The following SUGCT variants were observed in gnomAD, a reference collection of about 807,000 sequenced individuals.
SUGCT encodes the protein succinyl-CoA:glutarate-CoA transferase, also known as succinyl-CoA:glutarate CoA-transferase.
A neutral mutation model predicts 55.0 loss-of-function variants in SUGCT; 41 were observed. That is an observed-to-expected ratio of 0.74 (90% CI 0.58 to 0.97). The LOEUF (loss-of-function observed/expected upper bound fraction) is 0.97. Ranked by LOEUF, SUGCT falls within the 50% of genes least tolerant of loss-of-function variation. The probability of loss-of-function intolerance (pLI) is 0.00; values close to 1 mark genes in which losing one functional copy is unlikely to be tolerated. For missense variants in SUGCT, 568 were observed against 547.8 expected (o/e 1.04, Z -0.37); for synonymous variants, 187 against 200.4 (o/e 0.93, Z 0.56).
intron 1 of SUGCT, among the ~76,000 whole-genome samples, chr7:40,156,716 C>A (rs1407116073): frequency 6.6e-6 from 1 of 152,102 alleles, no homozygotes; most frequent in Non-Finnish European, 1.5e-5. Context: ...CAGGTATTAA[C>A]CAGTGCTACA....
intron 13 of SUGCT, among the ~76,000 whole-genome samples, chr7:40,843,955 G>T (rs1300718022): frequency 6.6e-6 from 1 of 152,104 alleles, no homozygotes; most frequent in Non-Finnish European, 1.5e-5. Context: ...TTGTGAAGGG[G>T]TGGCTCATTT....
chr7:40,262,486 C>G (rs1791283689), intron 7 of SUGCT, among the ~76,000 whole-genome samples: 4 of 111,986 alleles, frequency 3.6e-5, no homozygotes, highest in Admixed American at 2.2e-4. Context: ...CCCGTCTCTA[C>G]CGAAAATACA....
chr7:40,962,376 A>C, the SUGCT span, among the ~76,000 whole-genome samples: 110 of 152,200 alleles, frequency 7.2e-4, 1 homozygote, highest in African/African-American at 2.4e-3. Context: ...AAGTTCTCCA[A>C]GTCCCCACCT....
At position 40,496,245 on chromosome 7, in the gene SUGCT, C is replaced by A. The variant is rs948778713; in HGVS notation, c.987-39C>A. 2.9e-6 allele frequency: 4 copies of A among 1,366,082 alleles called. No individual in the cohort carries two copies. In the South Asian group the frequency reaches 3.7e-5, roughly 12 times the overall value. 84.6% of individuals were successfully genotyped at this position (1,366,082 alleles called of 1,614,324 possible). The stretch of plus-strand genomic sequence containing the variant: ...TGATAGAAGAGGCTGTGTTACATTC[C>A]TTCCTGTGTAAAAAATTTATCCTTG... On this transcript the variant is annotated intron_variant, in intron 11 of 13. Coordinates refer to ENST00000335693, the MANE Select transcript of SUGCT (RefSeq NM_001193313.2).
At chr7:40,880,697 G>T in the SUGCT span, among the ~76,000 whole-genome samples, 1 of 152,124 alleles carries the variant, frequency 6.6e-6, no homozygotes, top group African/African-American at 2.4e-5. Flanking sequence ...AAAAATCACT[G>T]GGCCAGAGAA....
intron 6 of SUGCT, among the ~76,000 whole-genome samples, chr7:40,213,187 A>G (rs892891516): frequency 2.0e-5 from 3 of 152,190 alleles, no homozygotes; most frequent in Non-Finnish European, 4.4e-5. Flanking sequence ...AATTTGACCA[A>G]CTTTTCCACT....
intron 9 of SUGCT, among the ~76,000 whole-genome samples, chr7:40,334,230 T>C (rs1796537406): frequency 6.6e-6 from 1 of 152,214 alleles, no homozygotes; most frequent in African/African-American, 2.4e-5. Context: ...TGTGTCTTTA[T>C]AGCAGCATGA....
intron 9 of SUGCT, among the ~76,000 whole-genome samples, chr7:40,424,299 G>A (rs1298488018): frequency 2.6e-5 from 4 of 152,158 alleles, no homozygotes; most frequent in Non-Finnish European, 4.4e-5. Flanking sequence ...GAGTATGTCA[G>A]CGCCTGGAAG....
chr7:40,179,442 C>T (rs1177245006), intron 1 of SUGCT, among the ~76,000 whole-genome samples: 2 of 151,898 alleles, frequency 1.3e-5, no homozygotes, highest in Non-Finnish European at 1.5e-5. Flanking sequence ...TACAGGCGTG[C>T]GTCACCATAC....
At position 40,717,924 on chromosome 7, in the gene SUGCT, C is replaced by T. The variant is rs181346454; in HGVS notation, c.1090-31510C>T. 4.1e-3 allele frequency among the ~76,000 whole-genome samples: 426 copies of T among 103,714 alleles called. 3 individuals are homozygous for T. The highest frequency in any genetic ancestry group is 0.012 in the South Asian group (41 of 3,436). The allele number at this position is 103,714 out of a possible 152,430, so 68.0% of individuals were successfully genotyped here. On this transcript the variant is annotated intron_variant, in intron 12 of 13. Coordinates refer to ENST00000335693, the MANE Select transcript of SUGCT (RefSeq NM_001193313.2). Reference sequence around the variant, plus strand: ...GGTACATAATGAGAAGTATATTCTCCTCTTCTTCTTTATTCACATATTTTA... The same window carrying T: ...GGTACATAATGAGAAGTATATTCTCTTCTTCTTCTTTATTCACATATTTTA...
chr7:40,390,419 T>C (rs9689995), intron 9 of SUGCT, among the ~76,000 whole-genome samples: 83,836 of 152,026 alleles, frequency 0.55, 23,256 homozygotes, highest in South Asian at 0.65. Context: ...CTTAAGCTGA[T>C]AAGCAACTTC....
intron 12 of SUGCT, among the ~76,000 whole-genome samples, chr7:40,655,681 AAGGTC>A (rs2151845679): frequency 6.6e-6 from 1 of 152,288 alleles, no homozygotes; most frequent in Non-Finnish European, 1.5e-5. Flanking sequence ...TATTTTTGGC[AAGGTC>A]AGGGGAGGGG....
chr7:40,444,514 GCT>G (rs1007273607), intron 9 of SUGCT, among the ~76,000 whole-genome samples: 1 of 151,998 alleles, frequency 6.6e-6, no homozygotes, highest in Non-Finnish European at 1.5e-5. Flanking sequence ...TCGTGATTTG[GCT>G]CTCTGTTTGT....
intron 9 of SUGCT, among the ~76,000 whole-genome samples, chr7:40,348,113 C>T (rs1023242694): frequency 2.6e-5 from 4 of 152,158 alleles, no homozygotes; most frequent in East Asian, 1.9e-4. Context: ...AAGTCCTGCA[C>T]GGGGGTTGCG....
chr7:40,888,094 C>T, the SUGCT span, among the ~76,000 whole-genome samples: 42 of 152,310 alleles, frequency 2.8e-4, no homozygotes, highest in African/African-American at 7.7e-4. Context: ...GCTCCATAGG[C>T]ATCCATGCCC....
chr7:40,618,797 G>A (rs2151787203), intron 12 of SUGCT, among the ~76,000 whole-genome samples: 1 of 152,282 alleles, frequency 6.6e-6, no homozygotes, highest in Middle Eastern at 3.4e-3. Flanking sequence ...CATTATTTGA[G>A]CTAATCTTGT....
At chr7:40,945,184 G>A in the SUGCT span, among the ~76,000 whole-genome samples, 2 of 152,092 alleles carry the variant, frequency 1.3e-5, no homozygotes, top group Non-Finnish European at 2.9e-5. Flanking sequence ...AGGCAGCTGG[G>A]AGAGTCCTCA....
At chr7:40,420,202 A>G (rs1223220698) in intron 9 of SUGCT, among the ~76,000 whole-genome samples, 1 of 152,202 alleles carries the variant, frequency 6.6e-6, no homozygotes, top group Non-Finnish European at 1.5e-5. Flanking sequence ...TCAAAGGCAC[A>G]TTGGGGTATG....
At chr7:40,525,631 G>A (rs1793755915) in intron 12 of SUGCT, among the ~76,000 whole-genome samples, 1 of 151,972 alleles carries the variant, frequency 6.6e-6, no homozygotes, top group African/African-American at 2.4e-5. Flanking sequence ...TTTCTTGGAT[G>A]AGAGAGAGAG....
Sources: gnomAD v4.1 joint callset for allele counts (sites outside exome capture counted in the v4.1 genomes callset) on GRCh38, gnomAD v4.1.1 for gene constraint, MANE v1.5 for transcripts, NCBI Gene and HGNC (gene_info 2026-07-23, HGNC 2026-07-21) for gene names.